The following SRD5A2 variants were observed in gnomAD, a reference collection of about 807,000 sequenced individuals.
The protein encoded by SRD5A2 is 3-oxo-5-alpha-steroid 4-dehydrogenase 2.
In SRD5A2, 30 loss-of-function variants were observed where a neutral mutation model predicts 27.4. That is an observed-to-expected ratio of 1.10 (90% CI 0.82 to 1.49). SRD5A2 has a LOEUF of 1.49. Ranked by LOEUF, SRD5A2 falls within the 40% of genes most tolerant of loss-of-function variation. The pLI is 0.00. For synonymous variants in SRD5A2, 141 were observed against 133.6 expected (o/e 1.06, Z -0.38); for missense variants, 348 against 323.4 (o/e 1.08, Z -0.58).
At chr2:31,532,730 G>A (rs1665938337) in intron 2 of SRD5A2, among the ~76,000 whole-genome samples, 1 of 149,708 alleles carries the variant, frequency 6.7e-6, no homozygotes, top group African/African-American at 2.4e-5. Flanking sequence ...ATAAAACAAG[G>A]ATTTTCCACC....
the SRD5A2 span, among the ~76,000 whole-genome samples, chr2:31,611,297 T>C: frequency 6.6e-6 from 1 of 152,142 alleles, no homozygotes; most frequent in African/African-American, 2.4e-5. Flanking sequence ...GCTGTCATTA[T>C]TTTAAGCCAA....
chr2:31,546,157 C>T (rs957146224), intron 1 of SRD5A2, among the ~76,000 whole-genome samples: 26 of 150,764 alleles, frequency 1.7e-4, no homozygotes, highest in African/African-American at 6.2e-4. Context: ...CAATACAATC[C>T]CTATCAAAAT....
chr2:31,639,634 A>T, the SRD5A2 span, among the ~76,000 whole-genome samples: 2 of 147,998 alleles, frequency 1.4e-5, no homozygotes, highest in Admixed American at 1.3e-4. Context: ...CATGGCAGTT[A>T]TTTTTTTTTT....
intron 4 of SRD5A2, chr2:31,527,156 A>C (rs1001118955): frequency 3.3e-5 from 5 of 152,178 alleles, no homozygotes; most frequent in African/African-American, 9.7e-5. Context: ...TGTTGTTTTA[A>C]GCCGCCCAGT....
the SRD5A2 span, among the ~76,000 whole-genome samples, chr2:31,631,165 G>A: frequency 1.3e-5 from 2 of 152,102 alleles, no homozygotes; most frequent in Non-Finnish European, 2.9e-5. Flanking sequence ...GGGCGTCTGG[G>A]TTGTTATGAA....
At chr2:31,646,703 G>T in the SRD5A2 span, among the ~76,000 whole-genome samples, 3 of 151,950 alleles carry the variant, frequency 2.0e-5, no homozygotes, top group Admixed American at 6.6e-5. Flanking sequence ...TACTGTAGAG[G>T]AAAAAGTACA....
the SRD5A2 span, among the ~76,000 whole-genome samples, chr2:31,652,574 C>T: frequency 2.0e-5 from 3 of 151,888 alleles, no homozygotes; most frequent in Admixed American, 6.6e-5. Flanking sequence ...AGAATACATC[C>T]GAGGCCTTAG....
chr2:31,624,340 T>C, the SRD5A2 span, among the ~76,000 whole-genome samples: 24 of 152,066 alleles, frequency 1.6e-4, no homozygotes, highest in African/African-American at 4.1e-4. Flanking sequence ...CTTTCTGTTT[T>C]TTTAACTTCT....
At chr2:31,608,427 C>T in the SRD5A2 span, among the ~76,000 whole-genome samples, 1 of 148,824 alleles carries the variant, frequency 6.7e-6, no homozygotes, top group African/African-American at 2.4e-5. Flanking sequence ...AAAACGGGGG[C>T]AGGAAAGGAA....
At chr2:31,626,311 A>C in the SRD5A2 span, among the ~76,000 whole-genome samples, 2 of 151,958 alleles carry the variant, frequency 1.3e-5, no homozygotes, top group Non-Finnish European at 2.9e-5. Context: ...AAACAGGGAC[A>C]ATTTGACTTC....
At chr2:31,554,489 G>A (rs1036502536) in intron 1 of SRD5A2, among the ~76,000 whole-genome samples, 1 of 152,142 alleles carries the variant, frequency 6.6e-6, no homozygotes, top group Non-Finnish European at 1.5e-5. Context: ...ATTCCCTGTG[G>A]TATTGGATAT....
intron 1 of SRD5A2, among the ~76,000 whole-genome samples, chr2:31,546,426 A>G (rs1207373896): frequency 1.3e-5 from 2 of 152,206 alleles, no homozygotes; most frequent in African/African-American, 2.4e-5. Flanking sequence ...TAAAGAAAAT[A>G]TGTTACATAT....
intron 4 of SRD5A2, 90 bp from the exon 5 acceptor site, chr2:31,526,352 A>G (rs1665781686): frequency 1.2e-6 from 1 of 829,388 alleles, no homozygotes; most frequent in Non-Finnish European, 2.0e-6. Context: ...TTACAAGTCA[A>G]CCTACAGTTA....
intron 1 of SRD5A2, among the ~76,000 whole-genome samples, chr2:31,560,878 T>G (rs1403489153): frequency 6.6e-6 from 1 of 152,126 alleles, no homozygotes; most frequent in Non-Finnish European, 1.5e-5. Flanking sequence ...GGATACCAAG[T>G]TTAGGAAGAA....
the SRD5A2 span, among the ~76,000 whole-genome samples, chr2:31,605,097 A>G: frequency 1.3e-4 from 19 of 151,936 alleles, no homozygotes; most frequent in Admixed American, 1.2e-3. Flanking sequence ...CTGAATATCA[A>G]TAGGCAGAAG....
the SRD5A2 span, among the ~76,000 whole-genome samples, chr2:31,614,253 T>C: frequency 6.6e-6 from 1 of 152,182 alleles, no homozygotes; most frequent in South Asian, 2.1e-4. Context: ...ATTGGATAAA[T>C]ACACTCATTC....
chr2:31,640,031 T>G, the SRD5A2 span, among the ~76,000 whole-genome samples: 1 of 152,064 alleles, frequency 6.6e-6, no homozygotes, highest in Non-Finnish European at 1.5e-5. Context: ...CTTTGCTCCT[T>G]TTCATTCTTT....
Position 31,531,546 on chromosome 2 carries a change from GC to G in SRD5A2, c.446-75del, listed in dbSNP as rs1226722047. 1.5e-5 allele frequency: 12 copies of G among 823,448 alleles called. No homozygotes were observed. The African/African-American group carries it at 2.8e-4, about 19-fold the overall frequency. 51.0% of individuals were successfully genotyped at this position (823,448 alleles called of 1,614,324 possible). Reference sequence around the variant, plus strand: ...TTGTGGTGCTTTTTTCACAAACTAAGCTAAAATGAAAGGAGGGGCATTTAAT... The same window carrying G: ...TTGTGGTGCTTTTTTCACAAACTAAGTAAAATGAAAGGAGGGGCATTTAAT... On this transcript the variant is annotated intron_variant, in intron 2 of 4. Coordinates refer to ENST00000622030, the MANE Select transcript of SRD5A2 (RefSeq NM_000348.4).
intron 3 of SRD5A2, among the ~76,000 whole-genome samples, chr2:31,530,357 T>C (rs1665880070): frequency 6.6e-6 from 1 of 152,186 alleles, no homozygotes; most frequent in Admixed American, 6.5e-5. Context: ...TCAAAGCCCC[T>C]TAGAGTTGAA....
Sources: gnomAD v4.1 joint callset for allele counts (sites outside exome capture counted in the v4.1 genomes callset) on GRCh38, gnomAD v4.1.1 for gene constraint, MANE v1.5 for transcripts, NCBI Gene and HGNC (gene_info 2026-07-23, HGNC 2026-07-21) for gene names.